CPNE4: variants seen among roughly 807,000 people sequenced by gnomAD.
CPNE4 encodes copine-4.
In CPNE4, 25 loss-of-function variants were observed where a neutral mutation model predicts 67.9. The ratio of observed to expected loss-of-function variants is 0.37; its 90% CI spans 0.27 to 0.51. The LOEUF (loss-of-function observed/expected upper bound fraction) is 0.51, where lower values mean the gene tolerates loss of function less well. Ranked by LOEUF, CPNE4 falls within the 20% of genes least tolerant of loss-of-function variation. The pLI, the probability that CPNE4 is intolerant of heterozygous loss-of-function variation, is 0.93. For missense variants in CPNE4, 464 were observed against 690.8 expected (o/e 0.67, Z 3.68); for synonymous variants, 242 against 244.9 (o/e 0.99, Z 0.11).
At chr3:131,969,580 T>C (rs988644132) in intron 1 of CPNE4, among the ~76,000 whole-genome samples, 33 of 152,170 alleles carry the variant, frequency 2.2e-4, no homozygotes, top group Non-Finnish European at 3.8e-4. Context: ...TTTTTTTCTT[T>C]CTTCTCACTG....
chr3:131,948,132 T>C (rs2071614616), intron 1 of CPNE4, among the ~76,000 whole-genome samples: 1 of 152,154 alleles, frequency 6.6e-6, no homozygotes, highest in South Asian at 2.1e-4. Context: ...GTTTTTTTAT[T>C]CTTTTGGATG....
At chr3:131,957,084 CCTACTTAG>C (rs2071998831) in intron 1 of CPNE4, among the ~76,000 whole-genome samples, 1 of 152,168 alleles carries the variant, frequency 6.6e-6, no homozygotes, top group Non-Finnish European at 1.5e-5. Context: ...AATGCCGTGT[CCTACTTAG>C]GATGAATTGG....
chr3:131,936,650 CA>C (rs112919063), intron 1 of CPNE4, among the ~76,000 whole-genome samples: 19 of 149,236 alleles, frequency 1.3e-4, no homozygotes, highest in Admixed American at 1.3e-4. Context: ...TGGAAAAGAG[CA>C]AAAAAAAAAT....
chr3:131,655,600 C>T (rs1398517034), intron 7 of CPNE4, among the ~76,000 whole-genome samples: 2 of 151,644 alleles, frequency 1.3e-5, no homozygotes, highest in African/African-American at 2.4e-5. Flanking sequence ...GCCGTGTGGT[C>T]AACATAATGT....
At position 131,982,789 on chromosome 3, in the gene CPNE4, A is replaced by G. The variant is rs557605035; in HGVS notation, c.-2+51778T>C. ...TTGGCTTATAATAAATTACATATAT[A>G]TGAAATACTTTAAATTGGCTTATAA... On this transcript the variant is annotated intron_variant, in intron 1 of 15. Transcript: ENST00000429747. Among the ~76,000 whole-genome samples, 176 of 152,236 alleles carry G rather than the reference A, an allele frequency of 1.2e-3. 3 individuals are homozygous for G. The highest frequency in any genetic ancestry group is 1.9e-3 in the East Asian group (10 of 5,184).
chr3:131,671,943 C>T (rs2080428395), intron 6 of CPNE4, among the ~76,000 whole-genome samples: 1 of 151,972 alleles, frequency 6.6e-6, no homozygotes. Context: ...TACTCATTAA[C>T]CATTATTACT....
At position 131,746,944 on chromosome 3, in the gene CPNE4, A is replaced by AT. The variant is rs2082504660; in HGVS notation, c.181-23320dup. Among the ~76,000 whole-genome samples the AT allele has an allele frequency of 5.3e-5, 8 of 151,982 alleles. 1 individual carries two copies. The South Asian group carries it at 1.7e-3, about 32-fold the overall frequency. On this transcript the variant is annotated intron_variant, in intron 2 of 15. Transcript: ENST00000429747. Reference sequence around the variant, plus strand: ...CCTCACAAACACTCATTTTCTCTTGATTTTTTGGTAGTAGCCATTCTAACA... The same window carrying AT: ...CCTCACAAACACTCATTTTCTCTTGATTTTTTTGGTAGTAGCCATTCTAACA...
At chr3:132,023,886 G>T (rs2074059095) in intron 1 of CPNE4, among the ~76,000 whole-genome samples, 1 of 152,128 alleles carries the variant, frequency 6.6e-6, no homozygotes, top group Non-Finnish European at 1.5e-5. Flanking sequence ...GAGGAGATGA[G>T]AAGTTTCTCA....
At chr3:131,564,450 T>A in intron 10 of CPNE4, 101 bp from the exon 11 acceptor site, 2 of 1,048,430 alleles carry the variant, frequency 1.9e-6, no homozygotes, top group Non-Finnish European at 2.8e-6. Context: ...TCAAAAACAG[T>A]AGCACATTAC....
At chr3:131,924,485 T>C (rs1408687020) in intron 1 of CPNE4, among the ~76,000 whole-genome samples, 2 of 152,164 alleles carry the variant, frequency 1.3e-5, no homozygotes, top group African/African-American at 2.4e-5. Context: ...GAAATGTGTA[T>C]AGCAGTGGTT....
intron 2 of CPNE4, among the ~76,000 whole-genome samples, chr3:131,771,949 G>T (rs2083177132): frequency 6.6e-6 from 1 of 151,986 alleles, no homozygotes; most frequent in Non-Finnish European, 1.5e-5. Flanking sequence ...AGTCATTTTT[G>T]CCCATACATT....
intron 2 of CPNE4, among the ~76,000 whole-genome samples, chr3:131,782,455 T>C (rs2083452721): frequency 6.6e-6 from 1 of 150,698 alleles, no homozygotes; most frequent in African/African-American, 2.4e-5. Context: ...GTTTATTTCA[T>C]CGATTTAAAG....
chr3:131,911,825 C>G (rs932208131), intron 1 of CPNE4, among the ~76,000 whole-genome samples: 1 of 152,116 alleles, frequency 6.6e-6, no homozygotes. Flanking sequence ...ACAAAATATA[C>G]TGGAGTTCAT....
intron 2 of CPNE4, among the ~76,000 whole-genome samples, chr3:131,901,546 T>G (rs527588344): frequency 3.9e-5 from 6 of 152,070 alleles, no homozygotes; most frequent in Non-Finnish European, 8.8e-5. Flanking sequence ...AGTTTTCACC[T>G]AATGAAAATA....
chr3:131,999,134 G>A (rs1280694802), intron 1 of CPNE4, among the ~76,000 whole-genome samples: 4 of 150,100 alleles, frequency 2.7e-5, no homozygotes, highest in African/African-American at 9.8e-5. Context: ...GAAAGAACTA[G>A]TGCAGAGTAG....
upstream of CPNE4, chr3:132,037,801 G>A: frequency 3.6e-6 from 2 of 555,684 alleles, no homozygotes; most frequent in Non-Finnish European, 6.4e-6. Context: ...TGAAATCCTG[G>A]AATGAAGCCA....
chr3:131,889,052 A>G (rs2088006741), intron 2 of CPNE4, among the ~76,000 whole-genome samples: 1 of 152,186 alleles, frequency 6.6e-6, no homozygotes, highest in Non-Finnish European at 1.5e-5. Context: ...TACATGCATT[A>G]TCTCCCTTTA....
At chr3:131,948,769 A>G (rs949629627) in intron 1 of CPNE4, among the ~76,000 whole-genome samples, 1 of 152,232 alleles carries the variant, frequency 6.6e-6, no homozygotes, top group Non-Finnish European at 1.5e-5. Context: ...TAGCAGCTCA[A>G]TAAGTGTTTA....
rs760837375 is a variant in CPNE4, at chr3:131,817,191, G to C, written c.180+88073C>G. On this transcript the variant is annotated intron_variant, in intron 2 of 15. Coordinates refer to ENST00000429747, the MANE Select transcript of CPNE4 (RefSeq NM_130808.3). ...ATGGAAAAAAGAGAAAGCAAAGCAG[G>C]GTTGGGGGAAACTGGAGTGTGGGAG... Among the ~76,000 whole-genome samples, 39 of 152,282 alleles carry C rather than the reference G, an allele frequency of 2.6e-4. No individual in the cohort carries two copies. In the East Asian group the frequency reaches 3.3e-3, roughly 13 times the overall value.
Sources: allele counts gnomAD v4.1 joint callset (sites outside exome capture counted in the v4.1 genomes callset), GRCh38; gene constraint gnomAD v4.1.1; transcripts MANE v1.5; gene names NCBI Gene and HGNC (gene_info 2026-07-23, HGNC 2026-07-21).